The following DSCAM variants were observed in gnomAD, a reference collection of about 807,000 sequenced individuals.
The protein encoded by DSCAM is DS cell adhesion molecule, also known as cell adhesion molecule DSCAM.
A neutral mutation model predicts 217.7 loss-of-function variants in DSCAM; 47 were observed. The observed-to-expected ratio is 0.22, with a 90% CI of 0.17 to 0.28. DSCAM has a LOEUF of 0.28. DSCAM is among the 10% of genes least tolerant of loss of function. The pLI is 1.00. For synonymous variants in DSCAM, 1,056 were observed against 1,015.3 expected (o/e 1.04, Z -0.76); for missense variants, 2,080 against 2,618.3 (o/e 0.79, Z 4.49).
At chr21:40,425,129 A>G (rs965455466) in intron 3 of DSCAM, among the ~76,000 whole-genome samples, 1 of 152,202 alleles carries the variant, frequency 6.6e-6, no homozygotes, top group Non-Finnish European at 1.5e-5. Context: ...CAGAAGTTTA[A>G]TCTCTTACAG....
intron 28 of DSCAM, among the ~76,000 whole-genome samples, chr21:40,059,939 T>C (rs1178192861): frequency 6.6e-6 from 1 of 152,228 alleles, no homozygotes; most frequent in Non-Finnish European, 1.5e-5. Flanking sequence ...TGTCCAAATA[T>C]GGTTGATTCT....
rs533118730 is a variant in DSCAM at position 40,173,157 on chromosome 21, C to T, written c.2947+5770G>A. ...CTGGTGGGATGGGATCAAAGCAGAC[C>T]ATAAGCAAAATAAATCAACAACTTA... is the stretch of plus-strand genomic sequence containing the variant. On this transcript the variant is annotated intron_variant, in intron 15 of 32. Transcript: ENST00000400454. 5.3e-5 allele frequency among the ~76,000 whole-genome samples: 8 copies of T among 152,170 alleles called. No homozygotes were observed. In the South Asian group the frequency reaches 1.5e-3, roughly 28 times the overall value.
At chr21:40,676,444 T>C (rs933073789) in intron 3 of DSCAM, among the ~76,000 whole-genome samples, 2 of 152,224 alleles carry the variant, frequency 1.3e-5, no homozygotes, top group Non-Finnish European at 2.9e-5. Context: ...CGGCCAGCAA[T>C]AGGATGTTCA....
rs774986728 is a variant in DSCAM at position 40,042,379 on chromosome 21, T to C, written c.5678A>G (p.His1893Arg). 2 of 1,613,340 alleles carry C rather than the reference T, an allele frequency of 1.2e-6. No homozygotes were observed. Among genetic ancestry groups the C allele is most frequent in the Non-Finnish European group, 1.7e-6 (2 of 1,179,504 alleles). ...TGGCCTTGCTCACCTACCTGGCCGA[T>C]GTGCCTTTGGAACTGCCATATTCAT... ...RVMNMAVPKA[H>R]RPGDLIHLPP... Residue 1893 changes from histidine (H) to arginine (R), a missense_variant, in exon 32 of 33, where the codon CAT (histidine) becomes CGT (arginine). By Grantham distance (29) the His-to-Arg change is conservative. Coordinates refer to ENST00000400454, the MANE Select transcript of DSCAM (RefSeq NM_001389.5).
At chr21:40,717,928 G>A (rs1050012819) in intron 1 of DSCAM, among the ~76,000 whole-genome samples, 1 of 152,330 alleles carries the variant, frequency 6.6e-6, no homozygotes, top group Middle Eastern at 3.4e-3. Flanking sequence ...GAAGACTGCA[G>A]GCAGAAAGCC....
At chr21:40,423,307 A>G (rs1333098726) in intron 3 of DSCAM, among the ~76,000 whole-genome samples, 1 of 152,224 alleles carries the variant, frequency 6.6e-6, no homozygotes, top group Non-Finnish European at 1.5e-5. Context: ...GTTTTCATTA[A>G]CAAGGACAGT....
At chr21:40,285,230 G>A (rs894225916) in intron 10 of DSCAM, among the ~76,000 whole-genome samples, 1 of 152,204 alleles carries the variant, frequency 6.6e-6, no homozygotes, top group Non-Finnish European at 1.5e-5. Flanking sequence ...GAGGAGCCCT[G>A]CAGCAGTGTC....
chr21:40,374,171 T>C (rs897926039), intron 3 of DSCAM, among the ~76,000 whole-genome samples: 38 of 152,128 alleles, frequency 2.5e-4, no homozygotes, highest in East Asian at 1.7e-3. Flanking sequence ...AATCAACACA[T>C]TGTACCCAAT....
At chr21:40,269,229 T>A (rs1442838498) in intron 11 of DSCAM, among the ~76,000 whole-genome samples, 1 of 152,170 alleles carries the variant, frequency 6.6e-6, no homozygotes, top group Non-Finnish European at 1.5e-5. Context: ...CTGCCAGACA[T>A]CATGGGGTCA....
intron 30 of DSCAM, among the ~76,000 whole-genome samples, chr21:40,045,385 T>TA (rs1292487423): frequency 6.6e-6 from 1 of 152,164 alleles, no homozygotes; most frequent in Non-Finnish European, 1.5e-5. Context: ...TTGGGTTATT[T>TA]AATATGGAGA....
At chr21:40,671,825 A>G (rs1397654205) in intron 3 of DSCAM, among the ~76,000 whole-genome samples, 2 of 152,230 alleles carry the variant, frequency 1.3e-5, no homozygotes, top group African/African-American at 4.8e-5. Context: ...GAAGAATATA[A>G]GACAGCAGTT....
intron 4 of DSCAM, among the ~76,000 whole-genome samples, chr21:40,364,770 A>G (rs34500029): frequency 1.4e-5 from 2 of 143,878 alleles, no homozygotes; most frequent in Admixed American, 7.2e-5. Context: ...ACATATATAT[A>G]TATATATATA....
At chr21:40,633,392 A>C (rs1428350211) in intron 3 of DSCAM, among the ~76,000 whole-genome samples, 1 of 152,234 alleles carries the variant, frequency 6.6e-6, no homozygotes, top group Non-Finnish European at 1.5e-5. Context: ...AGGGACCCAC[A>C]GCTCAGATAA....
chr21:40,332,861 T>C (rs1201127742), intron 8 of DSCAM, among the ~76,000 whole-genome samples: 1 of 152,204 alleles, frequency 6.6e-6, no homozygotes, highest in Non-Finnish European at 1.5e-5. Context: ...TTATGACTAT[T>C]GCCAGGAAAA....
chr21:40,730,080 A>T (rs1161657239), intron 1 of DSCAM, among the ~76,000 whole-genome samples: 1 of 152,176 alleles, frequency 6.6e-6, no homozygotes. Context: ...CTTGGGCTTC[A>T]CCGAGCAGAA....
chr21:40,271,585 A>G (rs984594199), intron 11 of DSCAM, among the ~76,000 whole-genome samples: 1 of 152,128 alleles, frequency 6.6e-6, no homozygotes, highest in Admixed American at 6.5e-5. Context: ...AAATTTTGGG[A>G]CCCCAAATTC....
At chr21:40,267,644 C>A (rs1041834744) in intron 11 of DSCAM, among the ~76,000 whole-genome samples, 3 of 152,138 alleles carry the variant, frequency 2.0e-5, no homozygotes, top group African/African-American at 4.8e-5. Flanking sequence ...CACCTGTAAT[C>A]CCAACATTTT....
intron 3 of DSCAM, among the ~76,000 whole-genome samples, chr21:40,666,192 T>C (rs768830375): frequency 1.3e-5 from 2 of 152,158 alleles, no homozygotes; most frequent in African/African-American, 2.4e-5. Flanking sequence ...AGGCACATAC[T>C]GATGATGGGT....
chr21:40,769,593 G>A (rs1400364885), intron 1 of DSCAM, among the ~76,000 whole-genome samples: 3 of 152,204 alleles, frequency 2.0e-5, no homozygotes, highest in African/African-American at 7.2e-5. Flanking sequence ...CATCTGCCAA[G>A]AGTCTTGTGC....
Sources: gnomAD v4.1 joint callset for allele counts (sites outside exome capture counted in the v4.1 genomes callset) on GRCh38, gnomAD v4.1.1 for gene constraint, MANE v1.5 for transcripts, NCBI Gene and HGNC (gene_info 2026-07-23, HGNC 2026-07-21) for gene names.